PPP3CC: variants seen among roughly 807,000 people sequenced by gnomAD.
The protein encoded by PPP3CC is protein phosphatase 3 catalytic subunit gamma.
PPP3CC carries 35 observed loss-of-function variants against 60.3 expected under a neutral mutation model. That is an observed-to-expected ratio of 0.58 (90% CI 0.44 to 0.77). The LOEUF (loss-of-function observed/expected upper bound fraction) is 0.77. Ranked by LOEUF, PPP3CC falls within the 30% of genes least tolerant of loss-of-function variation. PPP3CC has a pLI of 0.00. For missense variants in PPP3CC, 570 were observed against 628.9 expected (o/e 0.91, Z 1.00); for synonymous variants, 206 against 224.3 (o/e 0.92, Z 0.73).
At chr8:22,539,154 A>G (rs906821724) in intron 12 of PPP3CC, among the ~76,000 whole-genome samples, 1 of 152,180 alleles carries the variant, frequency 6.6e-6, no homozygotes, top group Non-Finnish European at 1.5e-5. Flanking sequence ...AAACTATTTG[A>G]TTCTACATGT....
At chr8:22,492,241 TA>T (rs1221867356) in intron 3 of PPP3CC, among the ~76,000 whole-genome samples, 72 of 141,288 alleles carry the variant, frequency 5.1e-4, no homozygotes, top group South Asian at 1.3e-3. Context: ...AAAGATACAG[TA>T]AAAAAAAAAA....
Position 22,532,910 on chromosome 8 carries a change from T to A in PPP3CC, c.1224-11T>A. 6.4e-7 allele frequency: 1 copy of A among 1,553,090 alleles called. No homozygotes were observed. The highest frequency in any genetic ancestry group is 8.7e-7 in the Non-Finnish European group (1 of 1,146,442). ...TCGGGCATTAACCCAGGGTTTGGTC[T>A]CCCTTTGCAGGCAAGAAAGTGAGAG... On this transcript the variant is annotated splice_polypyrimidine_tract_variant and intron_variant, in intron 11 of 13. Transcript: ENST00000240139.
intron 3 of PPP3CC, among the ~76,000 whole-genome samples, chr8:22,479,848 A>T (rs1185425140): frequency 6.6e-6 from 1 of 152,102 alleles, no homozygotes; most frequent in Non-Finnish European, 1.5e-5. Flanking sequence ...GTTAGGTTTT[A>T]TGAGAAAGAA....
intron 10 of PPP3CC, among the ~76,000 whole-genome samples, chr8:22,529,230 A>G (rs566026946): frequency 2.0e-5 from 3 of 152,224 alleles, no homozygotes; most frequent in Admixed American, 1.3e-4. Context: ...ATCTGTGTCA[A>G]TTAGTACTTA....
rs1837621096 is a variant in PPP3CC, at chr8:22,468,647, G to C, written c.50-6307G>C. Among the ~76,000 whole-genome samples, 3 of 151,920 alleles carry C rather than the reference G, an allele frequency of 2.0e-5. 1 individual carries two copies. The highest frequency in any genetic ancestry group is 7.3e-5 in the African/African-American group (3 of 41,350). ...ATATATCTTTTGTAATGTTTTGCTT[G>C]TAATAATTGAATAGATTTTCTCATT... is the stretch of plus-strand genomic sequence containing the variant. On this transcript the variant is annotated intron_variant, in intron 1 of 13. Coordinates refer to ENST00000240139, the MANE Select transcript of PPP3CC (RefSeq NM_005605.5).
chr8:22,447,832 G>C (rs1480775978), intron 1 of PPP3CC, among the ~76,000 whole-genome samples: 2 of 152,060 alleles, frequency 1.3e-5, no homozygotes, highest in Admixed American at 6.6e-5. Flanking sequence ...TTGAGTCTTC[G>C]TTTGTTGTTT....
intron 10 of PPP3CC, among the ~76,000 whole-genome samples, chr8:22,529,293 T>C (rs1276840666): frequency 6.6e-6 from 1 of 152,238 alleles, no homozygotes; most frequent in Non-Finnish European, 1.5e-5. Flanking sequence ...CTAGAAAGGC[T>C]GTACCACTTT....
chr8:22,476,686 A>G (rs1837897270), intron 3 of PPP3CC, among the ~76,000 whole-genome samples: 1 of 152,160 alleles, frequency 6.6e-6, no homozygotes, highest in South Asian at 2.1e-4. Context: ...TAATCCCAGC[A>G]CTTTGGGAGG....
intron 3 of PPP3CC, among the ~76,000 whole-genome samples, chr8:22,497,071 C>T (rs1218325210): frequency 6.6e-6 from 1 of 151,994 alleles, no homozygotes; most frequent in South Asian, 2.1e-4. Flanking sequence ...CTCTTGTTGC[C>T]CAGACTGGAG....
chr8:22,515,528 A>G (rs1168266832), intron 6 of PPP3CC, among the ~76,000 whole-genome samples: 1 of 152,138 alleles, frequency 6.6e-6, no homozygotes, highest in Admixed American at 6.5e-5. Context: ...TTCTGTTTTT[A>G]GTTTTTTTGA....
chr8:22,475,163 CTT>C lies in PPP3CC; in HGVS notation c.247+14_247+15del. The C allele has an allele frequency of 6.3e-7, 1 of 1,596,724 alleles. No homozygotes were observed. Among genetic ancestry groups the C allele is most frequent in the South Asian group, 1.1e-5 (1 of 89,144 alleles). ...TGCTCCAATCACAGGTATAAAAAGT[CTT>C]TGCATGATACTTTTTTACAGTATAG... is the stretch of plus-strand genomic sequence containing the variant. On this transcript the variant is annotated intron_variant, in intron 2 of 13. Coordinates refer to ENST00000240139, the MANE Select transcript of PPP3CC (RefSeq NM_005605.5).
At chr8:22,464,160 G>T (rs533189423) in intron 1 of PPP3CC, among the ~76,000 whole-genome samples, 42 of 150,914 alleles carry the variant, frequency 2.8e-4, no homozygotes, top group African/African-American at 1.0e-3. Context: ...GATTTGTGAG[G>T]TTTTTTTTTC....
intron 1 of PPP3CC, among the ~76,000 whole-genome samples, chr8:22,462,533 C>T (rs529396854): frequency 6.6e-6 from 1 of 151,626 alleles, no homozygotes; most frequent in Non-Finnish European, 1.5e-5. Flanking sequence ...ACATTTTGGC[C>T]TCTACAGGCA....
At chr8:22,484,969 G>A (rs1363446568) in intron 3 of PPP3CC, among the ~76,000 whole-genome samples, 1 of 152,144 alleles carries the variant, frequency 6.6e-6, no homozygotes, top group Non-Finnish European at 1.5e-5. Context: ...CATTCTTTGA[G>A]TCCTGAATCC....
chr8:22,483,945 G>T (rs1838147419), intron 3 of PPP3CC, among the ~76,000 whole-genome samples: 1 of 151,924 alleles, frequency 6.6e-6, no homozygotes. Flanking sequence ...GGCTCAAGCA[G>T]TCCTCCTGCC....
intron 1 of PPP3CC, among the ~76,000 whole-genome samples, chr8:22,450,801 T>A (rs1262345875): frequency 1.5e-3 from 47 of 30,476 alleles, no homozygotes; most frequent in East Asian, 0.014. Flanking sequence ...TACTTTATTT[T>A]TATTTATTTA....
chr8:22,524,446 T>C (rs965247276), intron 8 of PPP3CC, among the ~76,000 whole-genome samples: 3 of 152,248 alleles, frequency 2.0e-5, no homozygotes, highest in African/African-American at 7.2e-5. Flanking sequence ...TCTTATGTTT[T>C]CATTTAACTT....
chr8:22,444,816 C>T (rs1255357595), intron 1 of PPP3CC, among the ~76,000 whole-genome samples: 5 of 152,178 alleles, frequency 3.3e-5, no homozygotes, highest in African/African-American at 1.2e-4. Context: ...GAGAACTAGG[C>T]ACCCAAATGA....
intron 1 of PPP3CC, among the ~76,000 whole-genome samples, chr8:22,467,387 A>T (rs1279663960): frequency 1.3e-5 from 2 of 151,898 alleles, no homozygotes; most frequent in East Asian, 3.9e-4. Flanking sequence ...GTTCTGTCTT[A>T]TTTTTATGTG....
Sources: allele counts gnomAD v4.1 joint callset (sites outside exome capture counted in the v4.1 genomes callset), GRCh38; gene constraint gnomAD v4.1.1; transcripts MANE v1.5; gene names NCBI Gene and HGNC (gene_info 2026-07-23, HGNC 2026-07-21).